Variants in ATRNL1 observed in about 807,000 individuals in gnomAD.
ATRNL1 encodes the protein attractin-like protein 1.
A neutral mutation model predicts 182.7 loss-of-function variants in ATRNL1; 95 were observed. The ratio of observed to expected loss-of-function variants is 0.52; its 90% confidence interval spans 0.44 to 0.62. The LOEUF is 0.62. Ranked by LOEUF, ATRNL1 falls within the 20% of genes least tolerant of loss-of-function variation. The probability of loss-of-function intolerance (pLI) is 0.00; values close to 1 mark genes in which losing one functional copy is unlikely to be tolerated. For synonymous variants in ATRNL1, 576 were observed against 568.3 expected (o/e 1.01, Z -0.19); for missense variants, 1,471 against 1,679.5 (o/e 0.88, Z 2.17).
intron 27 of ATRNL1, among the ~76,000 whole-genome samples, chr10:115,734,650 A>G (rs1319251425): frequency 1.3e-5 from 2 of 152,052 alleles, no homozygotes; most frequent in Non-Finnish European, 2.9e-5. Context: ...TATATTAAGC[A>G]TTTGTAAATT....
intron 24 of ATRNL1, among the ~76,000 whole-genome samples, chr10:115,503,353 T>G (rs1849942622): frequency 6.6e-6 from 1 of 152,154 alleles, no homozygotes; most frequent in East Asian, 1.9e-4. Flanking sequence ...TCTTTAGAGC[T>G]TTAAGAAAAT....
intron 21 of ATRNL1, among the ~76,000 whole-genome samples, chr10:115,460,421 A>T (rs1847737784): frequency 6.6e-6 from 1 of 152,090 alleles, no homozygotes; most frequent in African/African-American, 2.4e-5. Context: ...ATTAAAAAAA[A>T]AAATAAAACT....
intron 19 of ATRNL1, among the ~76,000 whole-genome samples, chr10:115,338,603 GCTT>G (rs782497585): frequency 5.3e-5 from 8 of 152,052 alleles, no homozygotes; most frequent in Non-Finnish European, 1.2e-4. Flanking sequence ...CATTGTTTCA[GCTT>G]CTTATATATT....
chr10:115,727,215 A>G (rs1394514319), intron 26 of ATRNL1, 33 bp from the exon 27 acceptor site: 2 of 1,486,098 alleles, frequency 1.3e-6, no homozygotes, highest in African/African-American at 1.4e-5. Context: ...TTTTAAACCT[A>G]TTTTAAGATA....
intron 22 of ATRNL1, among the ~76,000 whole-genome samples, chr10:115,465,282 A>C (rs1554970567): frequency 6.6e-6 from 1 of 151,694 alleles, no homozygotes; most frequent in African/African-American, 2.4e-5. Context: ...ATTTGCTACC[A>C]GATATCTACC....
At chr10:115,162,090 A>G (rs1554883427) in intron 6 of ATRNL1, among the ~76,000 whole-genome samples, 1 of 152,044 alleles carries the variant, frequency 6.6e-6, no homozygotes, top group East Asian at 1.9e-4. Flanking sequence ...GGGATATATC[A>G]TTGGATATAA....
At chr10:115,466,853 T>C (rs949532939) in intron 22 of ATRNL1, among the ~76,000 whole-genome samples, 1 of 151,054 alleles carries the variant, frequency 6.6e-6, no homozygotes, top group Non-Finnish European at 1.5e-5. Context: ...AAAATACAAA[T>C]ATCAAATTTA....
At chr10:115,230,913 G>GAGAGAGAGAGAA (rs1849914042) in intron 9 of ATRNL1, among the ~76,000 whole-genome samples, 9 of 117,650 alleles carry the variant, frequency 7.6e-5, no homozygotes, top group African/African-American at 2.8e-4. Context: ...GAGAGAGAGA[G>GAGAGAGAGAGAA]AGAGAGAGAA....
chr10:115,622,519 C>A (rs908598984), intron 26 of ATRNL1, among the ~76,000 whole-genome samples: 3 of 152,260 alleles, frequency 2.0e-5, no homozygotes, highest in Admixed American at 6.5e-5. Flanking sequence ...CCATCTTTAT[C>A]TATGTTTTGT....
chr10:115,306,861 G>A (rs78024328), intron 17 of ATRNL1, among the ~76,000 whole-genome samples: 3 of 152,034 alleles, frequency 2.0e-5, no homozygotes, highest in Non-Finnish European at 4.4e-5. Flanking sequence ...TATAAAAATT[G>A]TTGTAACTGA....
At chr10:115,432,290 C>T (rs1846209259) in intron 21 of ATRNL1, among the ~76,000 whole-genome samples, 1 of 152,080 alleles carries the variant, frequency 6.6e-6, no homozygotes, top group African/African-American at 2.4e-5. Context: ...TTCAACTAGT[C>T]AATAGCCACA....
At chr10:115,666,610 GAGCCTTCCAAT>G (rs782621867) in intron 26 of ATRNL1, among the ~76,000 whole-genome samples, 12 of 152,074 alleles carry the variant, frequency 7.9e-5, no homozygotes, top group Non-Finnish European at 1.2e-4. Flanking sequence ...ATCTAGATCT[GAGCCTTCCAAT>G]ATGACAGCCA....
At chr10:115,932,217 G>A (rs373393553) in intron 28 of ATRNL1, among the ~76,000 whole-genome samples, 2 of 152,204 alleles carry the variant, frequency 1.3e-5, no homozygotes, top group South Asian at 2.1e-4. Context: ...ATTAAAGGAG[G>A]TCATTTAATC....
chr10:115,814,826 G>A (rs1306885457), intron 27 of ATRNL1, among the ~76,000 whole-genome samples: 4 of 152,120 alleles, frequency 2.6e-5, no homozygotes, highest in African/African-American at 9.7e-5. Flanking sequence ...TACCTACTTG[G>A]CATAAAATCT....
At chr10:115,749,272 A>G (rs1191371438) in intron 27 of ATRNL1, among the ~76,000 whole-genome samples, 1 of 151,774 alleles carries the variant, frequency 6.6e-6, no homozygotes, top group Non-Finnish European at 1.5e-5. Flanking sequence ...TTTCTTTATC[A>G]TTAGAAACAG....
chr10:115,765,590 T>C (rs1948837386), intron 27 of ATRNL1, among the ~76,000 whole-genome samples: 1 of 152,228 alleles, frequency 6.6e-6, no homozygotes, highest in South Asian at 2.1e-4. Flanking sequence ...CTGTAACTTG[T>C]CTTCTTACTC....
intron 28 of ATRNL1, among the ~76,000 whole-genome samples, chr10:115,887,799 A>G (rs368761300): frequency 4.6e-5 from 7 of 151,398 alleles, no homozygotes; most frequent in African/African-American, 1.5e-4. Context: ...CACCGAGTTC[A>G]CTATCTCTCA....
In ATRNL1 at chr10:115,177,122, A is replaced by G. The variant is rs1044641027; in HGVS notation, c.1348+5830A>G. On this transcript the variant is annotated intron_variant, in intron 8 of 28. Transcript: ENST00000355044. Reference sequence around the variant, plus strand: ...GGTGAAGTGTAAGCCAAGTGCAGAAAGAATATTAAGTGGGAAAGTAATCAA... The same window carrying G: ...GGTGAAGTGTAAGCCAAGTGCAGAAGGAATATTAAGTGGGAAAGTAATCAA... 4.6e-5 allele frequency among the ~76,000 whole-genome samples: 7 copies of G among 152,260 alleles called. No individual in the cohort carries two copies. The South Asian group carries it at 6.2e-4, about 14-fold the overall frequency.
chr10:115,439,182 A>G (rs1377663483), intron 21 of ATRNL1, among the ~76,000 whole-genome samples: 3 of 151,956 alleles, frequency 2.0e-5, no homozygotes, highest in African/African-American at 7.2e-5. Context: ...CAACGTCATC[A>G]TGTTGAGTAG....
Sources: allele counts gnomAD v4.1 joint callset (sites outside exome capture counted in the v4.1 genomes callset), GRCh38; gene constraint gnomAD v4.1.1; transcripts MANE v1.5; gene names NCBI Gene and HGNC (gene_info 2026-07-23, HGNC 2026-07-21).